The following CACNA2D1 variants were observed in gnomAD, a reference collection of about 807,000 sequenced individuals.
CACNA2D1 encodes the protein voltage-dependent calcium channel subunit alpha-2/delta-1.
CACNA2D1 carries 53 observed loss-of-function variants against 171.5 expected under a neutral mutation model. That is an observed-to-expected ratio of 0.31 (90% CI 0.25 to 0.39). CACNA2D1 has a LOEUF of 0.39. Among genes scored for constraint, CACNA2D1 ranks in the 10% least tolerant of loss-of-function variants. The pLI is 1.00. For missense variants in CACNA2D1, 903 were observed against 1,299.8 expected (o/e 0.69, Z 4.69); for synonymous variants, 442 against 443.1 (o/e 1.00, Z 0.03).
intron 3 of CACNA2D1, among the ~76,000 whole-genome samples, chr7:82,272,179 C>A (rs1367742787): frequency 6.6e-6 from 1 of 151,926 alleles, no homozygotes; most frequent in Non-Finnish European, 1.5e-5. Flanking sequence ...TGTAGTATTC[C>A]AGCTTTTAGA....
rs550582677 is a variant in CACNA2D1, at chr7:82,070,474, T to C, written c.659-3950A>G. ...GCAGGGTGTGGAGAGTGGTAGTGCA[T>C]GGATAGATTCTGCTCCAGGCAGTTA... On this transcript the variant is annotated intron_variant, in intron 7 of 38. Coordinates refer to ENST00000356860, the MANE Select transcript of CACNA2D1 (RefSeq NM_000722.4). Among the ~76,000 whole-genome samples, 10 of 152,198 alleles carry C rather than the reference T, an allele frequency of 6.6e-5. 1 individual carries two copies. In the East Asian group the frequency reaches 7.7e-4, roughly 12 times the overall value.
At chr7:82,119,103 G>A (rs146007742) in intron 5 of CACNA2D1, among the ~76,000 whole-genome samples, 11 of 152,208 alleles carry the variant, frequency 7.2e-5, no homozygotes, top group African/African-American at 2.6e-4. Flanking sequence ...AATGTCTCAT[G>A]TAGTAATTAA....
At chr7:82,177,845 C>T (rs1256614823) in intron 3 of CACNA2D1, among the ~76,000 whole-genome samples, 1 of 152,046 alleles carries the variant, frequency 6.6e-6, no homozygotes, top group Non-Finnish European at 1.5e-5. Context: ...AGCAAGCCCA[C>T]CCTTATAAAG....
intron 34 of CACNA2D1, 112 bp downstream of exon 34, chr7:81,963,939 CAACTT>C (rs960355749): frequency 1.3e-4 from 106 of 808,570 alleles, no homozygotes; most frequent in African/African-American, 5.2e-4. Context: ...AGAATGAAAA[CAACTT>C]AACTCCCTTA....
chr7:82,314,975 C>CTTT (rs35145517), intron 3 of CACNA2D1, among the ~76,000 whole-genome samples: 8 of 124,556 alleles, frequency 6.4e-5, no homozygotes, highest in African/African-American at 2.0e-4. Context: ...AGCATATTAT[C>CTTT]TTTTTTTTTT....
At chr7:82,007,588 G>A (rs931606939) in intron 16 of CACNA2D1, 91 bp downstream of exon 16, 20 of 766,902 alleles carry the variant, frequency 2.6e-5, no homozygotes, top group South Asian at 2.1e-4. Context: ...TACACTGCAT[G>A]TATTTTCTTA....
chr7:82,395,154 A>C (rs1381825769), intron 1 of CACNA2D1, among the ~76,000 whole-genome samples: 2 of 151,876 alleles, frequency 1.3e-5, no homozygotes, highest in Non-Finnish European at 2.9e-5. Context: ...AATGCCTGTT[A>C]TATGTTGAGT....
intron 34 of CACNA2D1, among the ~76,000 whole-genome samples, chr7:81,963,280 G>A (rs998516940): frequency 2.0e-5 from 3 of 151,772 alleles, no homozygotes; most frequent in African/African-American, 7.3e-5. Context: ...AATTTTAGCT[G>A]GGCAAACCTC....
At chr7:81,962,695 T>A (rs1454772293) in intron 34 of CACNA2D1, among the ~76,000 whole-genome samples, 200 bp from the exon 35 acceptor site, 2 of 151,970 alleles carry the variant, frequency 1.3e-5, no homozygotes, top group Non-Finnish European at 2.9e-5. Context: ...ATCAGAAGTG[T>A]TCAGATCTTG....
chr7:81,973,753 T>A, intron 25 of CACNA2D1, among the ~76,000 whole-genome samples: 1 of 152,174 alleles, frequency 6.6e-6, no homozygotes. Flanking sequence ...AGTGCTTTTA[T>A]AATAAATATT....
intron 6 of CACNA2D1, among the ~76,000 whole-genome samples, chr7:82,111,051 C>T (rs1354999475): frequency 1.3e-5 from 2 of 151,650 alleles, no homozygotes; most frequent in East Asian, 3.9e-4. Context: ...TAAGTATTTG[C>T]TAAATGAAGA....
At chr7:81,974,629 A>ATTTTTTTT (rs61006565) in intron 24 of CACNA2D1, 77 bp from the exon 25 acceptor site, 1 of 535,474 alleles carries the variant, frequency 1.9e-6, no homozygotes, top group Non-Finnish European at 3.3e-6. Flanking sequence ...TGAAAACACT[A>ATTTTTTTT]TTTTTTTTTT....
chr7:82,055,629 T>C lies in CACNA2D1; in HGVS notation c.879+4799A>G, dbSNP rs375637729. Among the ~76,000 whole-genome samples, 521 of 151,022 alleles carry C rather than the reference T, an allele frequency of 3.4e-3. 5 individuals are homozygous for C. Among genetic ancestry groups the C allele is most frequent in the African/African-American group, 0.012 (500 of 41,096 alleles). On this transcript the variant is annotated intron_variant, in intron 10 of 38. Transcript: ENST00000356860. ...TCCTTTGTAGGGACATGGATGAAGA[T>C]GGAAACCATCATTCTCAGCAAACTA... is the stretch of plus-strand genomic sequence containing the variant.
intron 12 of CACNA2D1, chr7:82,029,463 T>C (rs1408296427): frequency 6.6e-6 from 1 of 151,816 alleles, no homozygotes; most frequent in African/African-American, 2.4e-5. Context: ...GGTATGCCTG[T>C]GTGTGTGCGC....
At chr7:82,304,083 T>C (rs1290107340) in intron 3 of CACNA2D1, among the ~76,000 whole-genome samples, 2 of 108,522 alleles carry the variant, frequency 1.8e-5, no homozygotes, top group African/African-American at 5.8e-5. Flanking sequence ...AACAGGTATA[T>C]TAAAAAAAAG....
At chr7:81,996,738 C>T (rs936536843) in intron 19 of CACNA2D1, among the ~76,000 whole-genome samples, 3 of 151,584 alleles carry the variant, frequency 2.0e-5, no homozygotes, top group African/African-American at 7.3e-5. Flanking sequence ...TGCAATTTTG[C>T]TTTTGAAATA....
intron 38 of CACNA2D1, among the ~76,000 whole-genome samples, chr7:81,958,222 T>C (rs1166204546): frequency 6.6e-6 from 1 of 152,102 alleles, no homozygotes; most frequent in African/African-American, 2.4e-5. Context: ...TCCCCATTAC[T>C]GATTTTATTA....
chr7:82,304,610 A>T (rs957126583), intron 3 of CACNA2D1, among the ~76,000 whole-genome samples: 4 of 152,226 alleles, frequency 2.6e-5, no homozygotes, highest in African/African-American at 7.2e-5. Flanking sequence ...AAGCAGAAAG[A>T]CAAATATCAC....
chr7:82,147,229 C>T (rs1265551064), intron 4 of CACNA2D1, among the ~76,000 whole-genome samples: 1 of 151,864 alleles, frequency 6.6e-6, no homozygotes, highest in Admixed American at 6.6e-5. Context: ...CAAAGGAGAT[C>T]AATTCTTATT....
Sources: gnomAD v4.1 joint callset for allele counts (sites outside exome capture counted in the v4.1 genomes callset) on GRCh38, gnomAD v4.1.1 for gene constraint, MANE v1.5 for transcripts, NCBI Gene and HGNC (gene_info 2026-07-23, HGNC 2026-07-21) for gene names.